PPARA: variants seen among roughly 807,000 people sequenced by gnomAD.
PPARA encodes peroxisome proliferator-activated receptor alpha.
In PPARA, 22 loss-of-function variants were observed where a neutral mutation model predicts 42.2. The observed-to-expected ratio is 0.52, with a 90% CI of 0.37 to 0.74. PPARA has a LOEUF of 0.74. PPARA is among the 30% of genes least tolerant of loss of function. The pLI is 0.00. For synonymous variants in PPARA, 242 were observed against 239.3 expected, an observed-to-expected ratio of 1.01 and a Z score of -0.10; for missense variants, 465 against 608.2, an observed-to-expected ratio of 0.76 and a Z score of 2.48.
rs557722458 is a variant in PPARA, at chr22:46,225,849, A to G, written c.711+5835A>G. On this transcript the variant is annotated intron_variant, in intron 7 of 8. Coordinates refer to ENST00000407236, the MANE Select transcript of PPARA (RefSeq NM_005036.6). This position sits in a 1 kb window ranked among gnomAD's most constrained non-coding sequence, Gnocchi z 4.1. ...GACGCACCTCCACCCCCACACACGC[A>G]CACACACACATGCACCCACACATGG... is the stretch of plus-strand genomic sequence containing the variant. Among the ~76,000 whole-genome samples the G allele has an allele frequency of 5.3e-5, 8 of 150,610 alleles. No homozygotes were observed. Among genetic ancestry groups the G allele is most frequent in the African/African-American group, 1.2e-4 (5 of 40,820 alleles).
In PPARA at chr22:46,160,860, G is replaced by C. The variant is rs1337807956; in HGVS notation, c.-127+8890G>C. On this transcript the variant is annotated intron_variant, in intron 2 of 8. Transcript: ENST00000407236. The surrounding 1 kb of genome is among the most constrained non-coding windows in gnomAD (Gnocchi z 4.5). ...GATCTGTCCGCCTTGGCCTCCCAAA[G>C]TGTTGGGATTACAGGTGTGATTCAT... Among the ~76,000 whole-genome samples, 3 of 152,228 alleles carry C rather than the reference G, an allele frequency of 2.0e-5. No individual in the cohort carries two copies. The highest frequency in any genetic ancestry group is 7.2e-5 in the African/African-American group (3 of 41,454).
In PPARA at chr22:46,221,932, C is replaced by A. The variant is rs908504125; in HGVS notation, c.711+1918C>A. Among the ~76,000 whole-genome samples, 1 of 151,972 alleles carries A rather than the reference C, an allele frequency of 6.6e-6. No individual in the cohort carries two copies. Among genetic ancestry groups the A allele is most frequent in the African/African-American group, 2.4e-5 (1 of 41,352 alleles). On this transcript the variant is annotated intron_variant, in intron 7 of 8. Transcript: ENST00000407236. The surrounding 1 kb of genome is among the most constrained non-coding windows in gnomAD (Gnocchi z 5.9). ...CTCTATTAAAAATACAAAAAATTAG[C>A]TGGGCATGGTAGCGGTTGCCTGTAA...
chr22:46,223,472 G>T (rs548062108), intron 7 of PPARA, among the ~76,000 whole-genome samples: 1 of 150,762 alleles, frequency 6.6e-6, no homozygotes, highest in Non-Finnish European at 1.5e-5. Flanking sequence ...GTGAAACCCC[G>T]TCTCTACTAA....
At chr22:46,215,402 A>T in intron 5 of PPARA, 69 bp downstream of exon 5, 1 of 1,590,662 alleles carries the variant, frequency 6.3e-7, no homozygotes, top group Non-Finnish European at 8.6e-7. Flanking sequence ...TTTATAGCAA[A>T]TGGCAGTCAT....
At position 46,203,642 on chromosome 22, in the gene PPARA, A is replaced by G. The variant is rs1441719028; in HGVS notation, c.208+5051A>G. On this transcript the variant is annotated intron_variant, in intron 4 of 8. Transcript: ENST00000407236. This position sits in a 1 kb window ranked among gnomAD's most constrained non-coding sequence, Gnocchi z 5.8. ...GTATTGGGCGAAAAGGAAAAAAGAA[A>G]AAAACTCTCAGCAAAGCTAGAGGGG... Among the ~76,000 whole-genome samples, 2 of 152,228 alleles carry G rather than the reference A, an allele frequency of 1.3e-5. No homozygotes were observed.
chr22:46,192,229 C>A lies in PPARA; in HGVS notation c.-42-6113C>A, dbSNP rs1371361244. 1.3e-5 allele frequency among the ~76,000 whole-genome samples: 2 copies of A among 152,196 alleles called. No homozygotes were observed. The highest frequency in any genetic ancestry group is 4.8e-5 in the African/African-American group (2 of 41,452). On this transcript the variant is annotated intron_variant, in intron 3 of 8. Transcript: ENST00000407236. This position sits in a 1 kb window ranked among gnomAD's most constrained non-coding sequence, Gnocchi z 4.3. Reference sequence around the variant, plus strand: ...AAAAAGTTTCAACAGCACAGATAATCAGGGCTACACCAGAATTGGGCCCAA... The same window carrying A: ...AAAAAGTTTCAACAGCACAGATAATAAGGGCTACACCAGAATTGGGCCCAA...
At chr22:46,199,059 G>T (rs1932708140) in intron 4 of PPARA, among the ~76,000 whole-genome samples, 2 of 152,334 alleles carry the variant, frequency 1.3e-5, no homozygotes, top group South Asian at 2.1e-4. Flanking sequence ...GCCCTGGAAG[G>T]CGCGTGTCAC....
In PPARA at chr22:46,235,403, T is replaced by G; in HGVS notation, c.*23T>G. On this transcript the variant is annotated 3_prime_UTR_variant, in exon 9 of 9. Transcript: ENST00000407236. The surrounding 1 kb of genome is among the most constrained non-coding windows in gnomAD (Gnocchi z 7.0). ...TGAGTTCCTTCAGATCAGCCACACC[T>G]TTTCCAGGAGTTCTGAAGCTGACAG... 2 of 1,611,200 alleles carry G rather than the reference T, an allele frequency of 1.2e-6. No individual in the cohort carries two copies. Among genetic ancestry groups the G allele is most frequent in the Non-Finnish European group, 1.7e-6 (2 of 1,179,054 alleles).
chr22:46,167,915 G>C lies in PPARA; in HGVS notation c.-126-8838G>C, dbSNP rs1927319716. Among the ~76,000 whole-genome samples, 1 of 151,956 alleles carries C rather than the reference G, an allele frequency of 6.6e-6. No homozygotes were observed. The highest frequency in any genetic ancestry group is 6.6e-5 in the Admixed American group (1 of 15,256). Reference sequence around the variant, plus strand: ...AAATAAAAAGCCTGTGCCAGGCACAGTGGCACATGTCTGTAGTCCTAGCTA... The same window carrying C: ...AAATAAAAAGCCTGTGCCAGGCACACTGGCACATGTCTGTAGTCCTAGCTA... On this transcript the variant is annotated intron_variant, in intron 2 of 8. Transcript: ENST00000407236. The surrounding 1 kb of genome is among the most constrained non-coding windows in gnomAD (Gnocchi z 4.1).
rs775940126 is a variant in PPARA, at chr22:46,238,170, C to T, written c.*2790C>T. ...CTGGTGAAGCCAGAATGGAGACACC[C>T]GTGACCTCAGGCTGAAAGTCACTCG... On this transcript the variant is annotated 3_prime_UTR_variant, in exon 9 of 9. Coordinates refer to ENST00000407236, the MANE Select transcript of PPARA (RefSeq NM_005036.6). This position sits in a 1 kb window ranked among gnomAD's most constrained non-coding sequence, Gnocchi z 8.3. 5 of 152,182 alleles carry T rather than the reference C, an allele frequency of 3.3e-5. No individual in the cohort carries two copies. The highest frequency in any genetic ancestry group is 1.2e-4 in the African/African-American group (5 of 41,436). 9.4% of individuals were successfully genotyped at this position (152,182 alleles called of 1,614,324 possible).
In PPARA at chr22:46,227,543, C is replaced by T. The variant is rs954035484; in HGVS notation, c.712-4249C>T. On this transcript the variant is annotated intron_variant, in intron 7 of 8. Transcript: ENST00000407236. This position sits in a 1 kb window ranked among gnomAD's most constrained non-coding sequence, Gnocchi z 4.3. ...CTGGCATTGCGGGCATGAGCTACTG[C>T]GCCTGGTCCACATTTAATTTTTTGC... Among the ~76,000 whole-genome samples, 1 of 152,214 alleles carries T rather than the reference C, an allele frequency of 6.6e-6. No homozygotes were observed. Among genetic ancestry groups the T allele is most frequent in the East Asian group, 1.9e-4 (1 of 5,196 alleles).
rs1305590776 is a variant in PPARA, at chr22:46,224,885, A to G, written c.711+4871A>G. On this transcript the variant is annotated intron_variant, in intron 7 of 8. Coordinates refer to ENST00000407236, the MANE Select transcript of PPARA (RefSeq NM_005036.6). This position sits in a 1 kb window ranked among gnomAD's most constrained non-coding sequence, Gnocchi z 5.7. ...ACTGAATTTCTCTTTGCAGTGGCCAATGCCTTTCTTCTGTCAAGATCAGCT... is the reference window on the plus strand; with the variant it reads ...ACTGAATTTCTCTTTGCAGTGGCCAGTGCCTTTCTTCTGTCAAGATCAGCT... Among the ~76,000 whole-genome samples the G allele has an allele frequency of 6.6e-6, 1 of 151,832 alleles. No homozygotes were observed. Among genetic ancestry groups the G allele is most frequent in the Non-Finnish European group, 1.5e-5 (1 of 68,008 alleles).
Position 46,192,107 on chromosome 22 carries a change from A to G in PPARA, c.-42-6235A>G, listed in dbSNP as rs1385633838. Among the ~76,000 whole-genome samples, 1 of 152,206 alleles carries G rather than the reference A, an allele frequency of 6.6e-6. No homozygotes were observed. Among genetic ancestry groups the G allele is most frequent in the African/African-American group, 2.4e-5 (1 of 41,458 alleles). On this transcript the variant is annotated intron_variant, in intron 3 of 8. Transcript: ENST00000407236. This position sits in a 1 kb window ranked among gnomAD's most constrained non-coding sequence, Gnocchi z 4.3. ...GAAATAGACATTGAACACCTGCTAC[A>G]CAGCAGGGATTGTGCTAGAAGTATG...
Position 46,196,996 on chromosome 22 carries a change from C to G in PPARA, c.-42-1346C>G, listed in dbSNP as rs1057320165. 6.6e-6 allele frequency among the ~76,000 whole-genome samples: 1 copy of G among 152,112 alleles called. No individual in the cohort carries two copies. Among genetic ancestry groups the G allele is most frequent in the Non-Finnish European group, 1.5e-5 (1 of 68,018 alleles). On this transcript the variant is annotated intron_variant, in intron 3 of 8. Coordinates refer to ENST00000407236, the MANE Select transcript of PPARA (RefSeq NM_005036.6). This position sits in a 1 kb window ranked among gnomAD's most constrained non-coding sequence, Gnocchi z 5.6. Reference sequence around the variant, plus strand: ...TGGGCCTCCCAAAGTGCTGGGATTACAGGCATGAGCCACTGCACCCGACCC... The same window carrying G: ...TGGGCCTCCCAAAGTGCTGGGATTAGAGGCATGAGCCACTGCACCCGACCC...
rs982813697 is a variant in PPARA at position 46,233,379 on chromosome 22, A to G, written c.1159+1140A>G. ...CTTTAAATAGCCCCATCTCAGGTCT[A>G]GGAAGGTCATCCACCTACTGCAAAC... On this transcript the variant is annotated intron_variant, in intron 8 of 8. Coordinates refer to ENST00000407236, the MANE Select transcript of PPARA (RefSeq NM_005036.6). This position sits in a 1 kb window ranked among gnomAD's most constrained non-coding sequence, Gnocchi z 7.3. 2.6e-5 allele frequency among the ~76,000 whole-genome samples: 4 copies of G among 152,152 alleles called. No individual in the cohort carries two copies. The highest frequency in any genetic ancestry group is 1.3e-4 in the Admixed American group (2 of 15,274).
At position 46,151,881 on chromosome 22, in the gene PPARA, C is replaced by G. The variant is rs1414604291; in HGVS notation, c.-209-7C>G. On this transcript the variant is annotated splice_polypyrimidine_tract_variant and splice_region_variant and intron_variant, in intron 1 of 8. Transcript: ENST00000407236. ...AATCACTTCCTCCTTCACCTTCTTA[C>G]TGCCAGGCTGAAGCTCAGGGCCCTG... 1 of 152,316 alleles carries G rather than the reference C, an allele frequency of 6.6e-6. No homozygotes were observed. Among genetic ancestry groups the G allele is most frequent in the Admixed American group, 6.5e-5 (1 of 15,290 alleles). The allele number at this position is 152,316 out of a possible 1,614,324, so 9.4% of individuals were successfully genotyped here. A position where few individuals can be genotyped will look rare whatever the true frequency, so the allele number is the denominator to read the frequency against.
Position 46,234,688 on chromosome 22 carries a change from C to T in PPARA, c.1160-445C>T, listed in dbSNP as rs1403476155. Among the ~76,000 whole-genome samples the T allele has an allele frequency of 6.6e-6, 1 of 152,198 alleles. No individual in the cohort carries two copies. Among genetic ancestry groups the T allele is most frequent in the Admixed American group, 6.6e-5 (1 of 15,266 alleles). The stretch of plus-strand genomic sequence containing the variant: ...TGGCCTACAAAACCTAGTTCTAACA[C>T]AATCACTCCTTAAATATGGTGGAAC... On this transcript the variant is annotated intron_variant, in intron 8 of 8. Transcript: ENST00000407236. The surrounding 1 kb of genome is among the most constrained non-coding windows in gnomAD (Gnocchi z 5.8).
chr22:46,228,631 C>T (rs1210388522), intron 7 of PPARA, among the ~76,000 whole-genome samples: 4 of 152,120 alleles, frequency 2.6e-5, no homozygotes, highest in South Asian at 2.1e-4. Flanking sequence ...AGATGCTCTA[C>T]CAAAAAACAA....
rs1933062151 is a variant in PPARA at position 46,204,793 on chromosome 22, C to T, written c.208+6202C>T. 6.6e-6 allele frequency among the ~76,000 whole-genome samples: 1 copy of T among 151,584 alleles called. No homozygotes were observed. Among genetic ancestry groups the T allele is most frequent in the Non-Finnish European group, 1.5e-5 (1 of 67,956 alleles). On this transcript the variant is annotated intron_variant, in intron 4 of 8. Coordinates refer to ENST00000407236, the MANE Select transcript of PPARA (RefSeq NM_005036.6). This position sits in a 1 kb window ranked among gnomAD's most constrained non-coding sequence, Gnocchi z 5.2. Reference sequence around the variant, plus strand: ...GACATGTGATCTACAAATATTTTCCCCAGTGTGTGGTTTGTCTTTCTTTTC... The same window carrying T: ...GACATGTGATCTACAAATATTTTCCTCAGTGTGTGGTTTGTCTTTCTTTTC...
Sources: allele counts gnomAD v4.1 joint callset (sites outside exome capture counted in the v4.1 genomes callset), GRCh38; gene constraint gnomAD v4.1.1; non-coding constraint Gnocchi (gnomAD v3.1); transcripts MANE v1.5; gene names NCBI Gene and HGNC (gene_info 2026-07-23, HGNC 2026-07-21).